TEX36: variants seen among roughly 807,000 people sequenced by gnomAD.
TEX36 encodes testis-expressed protein 36.
In TEX36, 12 loss-of-function variants were observed where a neutral mutation model predicts 13.6. The observed-to-expected ratio is 0.88, with a 90% CI of 0.56 to 1.43. The LOEUF is 1.43. Ranked by LOEUF, TEX36 falls within the 40% of genes most tolerant of loss-of-function variation. The pLI is 0.00. For synonymous variants in TEX36, 93 were observed against 83.0 expected, an observed-to-expected ratio of 1.12 and a Z score of -0.65; for missense variants, 224 against 228.3, an observed-to-expected ratio of 0.98 and a Z score of 0.12.
intron 3 of TEX36, among the ~76,000 whole-genome samples, chr10:125,636,400 G>A (rs1021988236): frequency 2.0e-5 from 3 of 149,198 alleles, no homozygotes; most frequent in Non-Finnish European, 4.4e-5. Context: ...ATTTTTAGTA[G>A]AGGCGGGGTT....
chr10:125,678,992 G>A (rs1847352673), intron 1 of TEX36, among the ~76,000 whole-genome samples: 1 of 152,128 alleles, frequency 6.6e-6, no homozygotes, highest in African/African-American at 2.4e-5. Flanking sequence ...ACTGGAGGGA[G>A]GGGTTGTCTT....
intron 3 of TEX36, among the ~76,000 whole-genome samples, chr10:125,612,037 A>G (rs2133551881): frequency 6.6e-6 from 1 of 150,846 alleles, no homozygotes; most frequent in South Asian, 2.1e-4. Flanking sequence ...AGAGGGCAGC[A>G]CTGTCTCTTT....
At chr10:125,660,646 A>G (rs1847020264) in intron 3 of TEX36, among the ~76,000 whole-genome samples, 1 of 152,136 alleles carries the variant, frequency 6.6e-6, no homozygotes, top group Non-Finnish European at 1.5e-5. Context: ...ATATTATGTA[A>G]GCTCCTCCTC....
At chr10:125,630,339 A>C (rs1194803015) in intron 3 of TEX36, among the ~76,000 whole-genome samples, 2 of 152,170 alleles carry the variant, frequency 1.3e-5, no homozygotes, top group African/African-American at 2.4e-5. Flanking sequence ...GGCTGGATAC[A>C]CTTGAAGGCT....
chr10:125,654,039 C>T (rs1846904368), downstream of TEX36, among the ~76,000 whole-genome samples: 1 of 152,000 alleles, frequency 6.6e-6, no homozygotes, highest in African/African-American at 2.4e-5. Context: ...ACTGGAGGTC[C>T]TATCCAGTGC....
intron 3 of TEX36, among the ~76,000 whole-genome samples, chr10:125,627,395 G>A (rs1343577770): frequency 6.6e-6 from 1 of 152,158 alleles, no homozygotes; most frequent in Non-Finnish European, 1.5e-5. Flanking sequence ...TATTCAGCCA[G>A]TAATTTAATG....
chr10:125,609,015 G>A (rs61434962), intron 3 of TEX36, among the ~76,000 whole-genome samples: 4 of 146,316 alleles, frequency 2.7e-5, no homozygotes, highest in African/African-American at 5.1e-5. Context: ...AGAAAAAAAG[G>A]AAAAAAATGA....
intron 2 of TEX36, among the ~76,000 whole-genome samples, 160 bp from the exon 3 acceptor site, chr10:125,661,261 G>A (rs1270000182): frequency 6.6e-6 from 1 of 152,174 alleles, no homozygotes; most frequent in Non-Finnish European, 1.5e-5. Flanking sequence ...AGGAGGGGGA[G>A]GATATCCACG....
intron 3 of TEX36, among the ~76,000 whole-genome samples, chr10:125,599,520 G>T (rs886262651): frequency 6.6e-6 from 1 of 152,050 alleles, no homozygotes; most frequent in African/African-American, 2.4e-5. Flanking sequence ...TCAGTATCAT[G>T]TTCTTAGATT....
At chr10:125,591,062 A>G (rs1846016214) in intron 3 of TEX36, among the ~76,000 whole-genome samples, 2 of 152,276 alleles carry the variant, frequency 1.3e-5, no homozygotes, top group South Asian at 4.2e-4. Flanking sequence ...CCCAGTGATG[A>G]GGGTGGATCT....
downstream of TEX36, among the ~76,000 whole-genome samples, chr10:125,617,799 C>T (rs1368977521): frequency 2.6e-5 from 4 of 152,030 alleles, no homozygotes; most frequent in Admixed American, 1.3e-4. Context: ...ATCTTTGTGG[C>T]GTTCTCTGTA....
intron 3 of TEX36, among the ~76,000 whole-genome samples, chr10:125,608,218 C>A (rs972512226): frequency 6.6e-6 from 1 of 152,102 alleles, no homozygotes; most frequent in Non-Finnish European, 1.5e-5. Context: ...TGTGAAACCA[C>A]CCCAAAGCTT....
At chr10:125,669,264 C>G (rs1161783015) in intron 1 of TEX36, among the ~76,000 whole-genome samples, 1 of 151,902 alleles carries the variant, frequency 6.6e-6, no homozygotes, top group Non-Finnish European at 1.5e-5. Context: ...GCCCTCCAGC[C>G]TGGAAACAGA....
Position 125,655,966 on chromosome 10 carries a change from A to C in TEX36, c.495T>G (p.Val165=). ...TFLPERSYTE[V]LKKKPKVRFT... Reference sequence around the variant, plus strand: ...ACCTTACTTTGGGCTTCTTTTTCAAAACCTCTGTATAGCTTCTCTCAGGAA... The same window carrying C: ...ACCTTACTTTGGGCTTCTTTTTCAACACCTCTGTATAGCTTCTCTCAGGAA... The change falls in exon 4 of 4, where the codon GTT becomes GTG. Residue 165 remains valine (V), a synonymous_variant. Coordinates refer to ENST00000368821, the MANE Select transcript of TEX36 (RefSeq NM_001128202.3). 6.5e-7 allele frequency: 1 copy of C among 1,548,940 alleles called. No homozygotes were observed. The highest frequency in any genetic ancestry group is 1.2e-5 in the South Asian group (1 of 83,316).
chr10:125,645,359 A>AT (rs992354078), intron 3 of TEX36, among the ~76,000 whole-genome samples: 28 of 152,164 alleles, frequency 1.8e-4, no homozygotes, highest in Admixed American at 1.8e-3. Context: ...TCGTGGATTC[A>AT]TGGTTAATAG....
intron 3 of TEX36, among the ~76,000 whole-genome samples, chr10:125,594,502 C>T (rs757778996): frequency 2.6e-5 from 4 of 152,130 alleles, no homozygotes; most frequent in Non-Finnish European, 4.4e-5. Flanking sequence ...GATTGAGAAG[C>T]CCACATTAGA....
chr10:125,655,888 C>G lies in TEX36; in HGVS notation c.*12G>C. ...CAGTATTACAAAATTCATCAAAAATCTTCTGGGAGGATTAGGACTCCAGTG... is the reference window on the plus strand; with the variant it reads ...CAGTATTACAAAATTCATCAAAAATGTTCTGGGAGGATTAGGACTCCAGTG... On this transcript the variant is annotated 3_prime_UTR_variant, in exon 4 of 4. Coordinates refer to ENST00000368821, the MANE Select transcript of TEX36 (RefSeq NM_001128202.3). 1 of 1,473,470 alleles carries G rather than the reference C, an allele frequency of 6.8e-7. No homozygotes were observed. Among genetic ancestry groups the G allele is most frequent in the Non-Finnish European group, 9.0e-7 (1 of 1,107,972 alleles). The allele number at this position is 1,473,470 out of a possible 1,614,324, so 91.3% of individuals were successfully genotyped here.
downstream of TEX36, among the ~76,000 whole-genome samples, chr10:125,650,862 T>C (rs746695173): frequency 9.2e-5 from 14 of 152,050 alleles, no homozygotes; most frequent in Non-Finnish European, 1.8e-4. Context: ...GAGAATACTA[T>C]AAACATATCT....
intron 1 of TEX36, among the ~76,000 whole-genome samples, chr10:125,675,596 C>A (rs1339588449): frequency 6.6e-6 from 1 of 152,188 alleles, no homozygotes; most frequent in Non-Finnish European, 1.5e-5. Flanking sequence ...GTTTCCAGGG[C>A]AGGGCAAGAT....
Sources: allele counts gnomAD v4.1 joint callset (sites outside exome capture counted in the v4.1 genomes callset), GRCh38; gene constraint gnomAD v4.1.1; transcripts MANE v1.5; gene names NCBI Gene and HGNC (gene_info 2026-07-23, HGNC 2026-07-21).